Variants in ASIC2 observed in about 807,000 individuals in gnomAD.
The protein encoded by ASIC2 is acid-sensing ion channel 2.
Under a neutral mutation model 57.3 loss-of-function variants are expected in ASIC2, and 25 were observed. That is an observed-to-expected ratio of 0.44 (90% CI 0.32 to 0.61). The LOEUF (loss-of-function observed/expected upper bound fraction) is 0.61. Ranked by LOEUF, ASIC2 falls within the 20% of genes least tolerant of loss-of-function variation. ASIC2 has a pLI of 0.06. For synonymous variants in ASIC2, 319 were observed against 307.5 expected (o/e 1.04, Z -0.39); for missense variants, 641 against 738.1 (o/e 0.87, Z 1.52).
At chr17:33,880,260 C>G (rs189463081) in intron 1 of ASIC2, among the ~76,000 whole-genome samples, 2 of 151,992 alleles carry the variant, frequency 1.3e-5, no homozygotes, top group Non-Finnish European at 2.9e-5. Flanking sequence ...AAGATCAGAG[C>G]AGAACTGAAG....
chr17:34,081,965 T>C (rs1909900893), intron 1 of ASIC2: 1 of 152,208 alleles, frequency 6.6e-6, no homozygotes, highest in Non-Finnish European at 1.5e-5. Context: ...CCAGTGGCTT[T>C]CTGGTCTCAT....
intron 1 of ASIC2, among the ~76,000 whole-genome samples, chr17:34,121,728 C>T (rs1226922532): frequency 6.6e-6 from 1 of 152,212 alleles, no homozygotes; most frequent in Non-Finnish European, 1.5e-5. Flanking sequence ...CACCCTAGAT[C>T]ACCTCCTGCC....
chr17:33,869,650 T>C (rs1914337483), intron 1 of ASIC2, among the ~76,000 whole-genome samples: 1 of 152,198 alleles, frequency 6.6e-6, no homozygotes, highest in Non-Finnish European at 1.5e-5. Context: ...AAAGACCACA[T>C]ATGTTATGAT....
At chr17:33,980,513 A>G (rs2785061) in intron 1 of ASIC2, among the ~76,000 whole-genome samples, 4 of 152,146 alleles carry the variant, frequency 2.6e-5, no homozygotes, top group African/African-American at 9.7e-5. Flanking sequence ...GGAAAGGATG[A>G]GAATCTTGGG....
intron 1 of ASIC2, among the ~76,000 whole-genome samples, chr17:33,358,736 C>T (rs141102004): frequency 3.9e-5 from 6 of 152,160 alleles, no homozygotes; most frequent in Admixed American, 2.6e-4. Context: ...GAGACAACTG[C>T]TCCTATTGAA....
chr17:33,867,440 A>C (rs34848792), intron 1 of ASIC2, among the ~76,000 whole-genome samples: 1,581 of 152,348 alleles, frequency 0.01, 24 homozygotes, highest in African/African-American at 0.033. Context: ...GAATAAAATG[A>C]ACTTACCAAG....
chr17:33,418,280 T>A (rs145781031), intron 1 of ASIC2, among the ~76,000 whole-genome samples: 7 of 152,182 alleles, frequency 4.6e-5, no homozygotes, highest in African/African-American at 9.7e-5. Context: ...AACCCCATCC[T>A]AATCTTCAGT....
chr17:33,077,310 A>G (rs2092092831), intron 3 of ASIC2, among the ~76,000 whole-genome samples: 1 of 152,154 alleles, frequency 6.6e-6, no homozygotes, highest in Non-Finnish European at 1.5e-5. Context: ...TTCTTCCACA[A>G]GAGGATCTGC....
intron 1 of ASIC2, among the ~76,000 whole-genome samples, chr17:34,042,378 GAACA>G (rs941772367): frequency 4.6e-5 from 7 of 152,030 alleles, no homozygotes; most frequent in East Asian, 1.9e-4. Flanking sequence ...CAATAAAAAA[GAACA>G]AATAATTACA....
At chr17:33,560,882 A>T (rs1223265168) in intron 1 of ASIC2, among the ~76,000 whole-genome samples, 1 of 152,218 alleles carries the variant, frequency 6.6e-6, no homozygotes, top group Non-Finnish European at 1.5e-5. Context: ...CACACAACTA[A>T]TACACAGCAG....
rs3025224 is a variant in ASIC2 at position 33,058,215 on chromosome 17, G to A, written c.988-29823C>T. Among the ~76,000 whole-genome samples, 7 of 152,120 alleles carry A rather than the reference G, an allele frequency of 4.6e-5. No individual in the cohort carries two copies. The South Asian group carries it at 1.2e-3, about 27-fold the overall frequency. ...CTTATTTATCCTGATAATAACCCCT[G>A]GGAGGTAGGTAAGGCAGGCTGGTAA... On this transcript the variant is annotated intron_variant, in intron 3 of 9. Coordinates refer to ENST00000225823, the MANE Select transcript of ASIC2 (RefSeq NM_183377.2).
At chr17:33,474,831 A>G (rs1913167687) in intron 1 of ASIC2, among the ~76,000 whole-genome samples, 1 of 152,132 alleles carries the variant, frequency 6.6e-6, no homozygotes, top group Non-Finnish European at 1.5e-5. Context: ...GTATAACTAA[A>G]TATGGTTGCG....
intron 3 of ASIC2, among the ~76,000 whole-genome samples, chr17:33,041,702 G>A (rs1598248934): frequency 2.0e-5 from 3 of 152,224 alleles, no homozygotes; most frequent in African/African-American, 7.2e-5. Flanking sequence ...GAACCAGGCT[G>A]AAGCCAGGCA....
At chr17:34,146,483 G>A (rs955916507) in intron 1 of ASIC2, among the ~76,000 whole-genome samples, 1 of 152,024 alleles carries the variant, frequency 6.6e-6, no homozygotes, top group Non-Finnish European at 1.5e-5. Flanking sequence ...GTAGGGCGGG[G>A]GAAAAGGTAA....
chr17:33,129,137 G>A (rs144841928), intron 1 of ASIC2, among the ~76,000 whole-genome samples: 293 of 152,350 alleles, frequency 1.9e-3, no homozygotes, highest in Non-Finnish European at 3.1e-3. Context: ...TATGTAAAGT[G>A]AGTACACCTG....
At chr17:33,803,579 C>T (rs1433240406) in intron 1 of ASIC2, among the ~76,000 whole-genome samples, 1 of 149,676 alleles carries the variant, frequency 6.7e-6, no homozygotes, top group Non-Finnish European at 1.5e-5. Context: ...CAACACATTT[C>T]CCTTTTCTTT....
In ASIC2 at chr17:33,194,273, C is replaced by G. The variant is rs563123796; in HGVS notation, c.709-82206G>C. Reference sequence around the variant, plus strand: ...GGCTTGTTTCCAATGCCATTCTGACCAAGAGGCCATTGCTGATCTCCACAT... The same window carrying G: ...GGCTTGTTTCCAATGCCATTCTGACGAAGAGGCCATTGCTGATCTCCACAT... On this transcript the variant is annotated intron_variant, in intron 1 of 9. Transcript: ENST00000225823. Among the ~76,000 whole-genome samples the G allele has an allele frequency of 8.6e-4, 131 of 152,282 alleles. 1 individual carries two copies. The highest frequency in any genetic ancestry group is 1.3e-3 in the Non-Finnish European group (88 of 68,026).
intron 1 of ASIC2, among the ~76,000 whole-genome samples, chr17:34,051,509 A>G (rs538399225): frequency 1.3e-5 from 2 of 152,354 alleles, no homozygotes; most frequent in East Asian, 1.9e-4. Context: ...TGCAAAGATA[A>G]GTCAGGACTA....
At chr17:33,993,208 T>C (rs1177387260) in intron 1 of ASIC2, among the ~76,000 whole-genome samples, 2 of 152,204 alleles carry the variant, frequency 1.3e-5, no homozygotes, top group Non-Finnish European at 2.9e-5. Flanking sequence ...TATAATTTCA[T>C]TGGTAGATTG....
Sources: gnomAD v4.1 joint callset for allele counts (sites outside exome capture counted in the v4.1 genomes callset) on GRCh38, gnomAD v4.1.1 for gene constraint, MANE v1.5 for transcripts, NCBI Gene and HGNC (gene_info 2026-07-23, HGNC 2026-07-21) for gene names.